DNAH6: variants seen among roughly 807,000 people sequenced by gnomAD.
DNAH6 encodes the protein axonemal beta dynein heavy chain 6.
In DNAH6, 340 loss-of-function variants were observed where a neutral mutation model predicts 491.4. That is an observed-to-expected ratio of 0.69 (90% CI 0.63 to 0.76). The LOEUF is 0.76. DNAH6 is among the 30% of genes least tolerant of loss of function. The pLI is 0.00. For synonymous variants in DNAH6, 1,603 were observed against 1,686.1 expected, an observed-to-expected ratio of 0.95 and a Z score of 1.21; for missense variants, 4,443 against 4,972.2, an observed-to-expected ratio of 0.89 and a Z score of 3.20.
chr2:84,703,232 T>C (rs1459448080), intron 49 of DNAH6, among the ~76,000 whole-genome samples, 163 bp from the exon 50 acceptor site: 1 of 152,266 alleles, frequency 6.6e-6, no homozygotes, highest in Non-Finnish European at 1.5e-5. Context: ...TTCCATTATC[T>C]GAACATTTCC....
intron 35 of DNAH6, 50 bp downstream of exon 35, chr2:84,654,832 T>A (rs1288149531): frequency 9.1e-6 from 14 of 1,542,838 alleles, no homozygotes; most frequent in African/African-American, 1.4e-5. Flanking sequence ...AGGACTCATG[T>A]TGCCTTCTAG....
At chr2:84,548,205 G>A (rs2104543138) in intron 7 of DNAH6, 83 bp from the exon 8 acceptor site, 1 of 1,406,950 alleles carries the variant, frequency 7.1e-7, no homozygotes, top group Non-Finnish European at 9.5e-7. Flanking sequence ...TTTGAATTTT[G>A]TTTATCTTTT....
At chr2:84,605,990 A>T (rs1469328525) in intron 20 of DNAH6, among the ~76,000 whole-genome samples, 1 of 152,238 alleles carries the variant, frequency 6.6e-6, no homozygotes, top group Non-Finnish European at 1.5e-5. Flanking sequence ...CAAGGCAAAG[A>T]AACCTGAATG....
chr2:84,610,445 C>T (rs1237442023), intron 21 of DNAH6, among the ~76,000 whole-genome samples: 3 of 152,104 alleles, frequency 2.0e-5, no homozygotes, highest in African/African-American at 7.2e-5. Flanking sequence ...TTGGGGGCCA[C>T]CTTATGAGTC....
intron 72 of DNAH6, among the ~76,000 whole-genome samples, chr2:84,811,207 T>G (rs1386957572): frequency 1.3e-5 from 2 of 152,248 alleles, no homozygotes; most frequent in Non-Finnish European, 2.9e-5. Flanking sequence ...CACGTAGCCT[T>G]GTTTCATCCA....
chr2:84,814,053 G>T lies in DNAH6; in HGVS notation c.12081G>T (p.Arg4027=). 6.4e-7 allele frequency: 1 copy of T among 1,551,698 alleles called. No homozygotes were observed. The highest frequency in any genetic ancestry group is 8.7e-7 in the Non-Finnish European group (1 of 1,146,994). Residue 4027 remains arginine (R), a synonymous_variant, in exon 75 of 77, where the codon CGG becomes CGT. Coordinates refer to ENST00000389394, the MANE Select transcript of DNAH6 (RefSeq NM_001370.2). The part of the protein sequence containing the change: ...SFKYSVIPTY[R]DQAAVIEAAK... ...AATACAGCGTAATTCCCACCTATCG[G>T]GATCAAGCTGCAGTGATAGAAGCTG...
chr2:84,550,115 A>T, intron 9 of DNAH6, 58 bp downstream of exon 9: 1 of 1,336,568 alleles, frequency 7.5e-7, no homozygotes, highest in South Asian at 1.3e-5. Context: ...AGGAGTGCAA[A>T]CTACGCTCTA....
intron 70 of DNAH6, among the ~76,000 whole-genome samples, chr2:84,805,168 ATT>A (rs769208938): frequency 3.9e-5 from 6 of 152,244 alleles, no homozygotes; most frequent in Non-Finnish European, 5.9e-5. Context: ...CAACAAAAAA[ATT>A]TTTAGTATAA....
intron 31 of DNAH6, among the ~76,000 whole-genome samples, chr2:84,638,307 G>A (rs1689060897): frequency 6.6e-6 from 1 of 151,946 alleles, no homozygotes; most frequent in Non-Finnish European, 1.5e-5. Flanking sequence ...ACTATATCCA[G>A]CTAAATTTTA....
At chr2:84,625,597 A>T (rs1461310947) in intron 29 of DNAH6, among the ~76,000 whole-genome samples, 1 of 149,072 alleles carries the variant, frequency 6.7e-6, no homozygotes, top group Non-Finnish European at 1.5e-5. Context: ...AGAAAAAATT[A>T]AGTAAAATAT....
chr2:84,619,121 TGG>T lies in DNAH6; in HGVS notation c.3573-563_3573-562del, dbSNP rs1181395309. On this transcript the variant is annotated intron_variant, in intron 23 of 76. Coordinates refer to ENST00000389394, the MANE Select transcript of DNAH6 (RefSeq NM_001370.2). ...ATTTCTACATAGGTATAGCCTCACA[TGG>T]TTGGAAATGGTGTGCTGGCAAAATT... 3.3e-5 allele frequency among the ~76,000 whole-genome samples: 5 copies of T among 152,316 alleles called. No homozygotes were observed. The East Asian group carries it at 9.6e-4, about 29-fold the overall frequency.
intron 3 of DNAH6, among the ~76,000 whole-genome samples, chr2:84,526,145 G>A (rs1676583607): frequency 6.6e-6 from 1 of 152,030 alleles, no homozygotes; most frequent in South Asian, 2.1e-4. Flanking sequence ...CGAGGAAGTT[G>A]CCTTGAAAGG....
At chr2:84,535,729 A>G (rs948048801) in intron 4 of DNAH6, among the ~76,000 whole-genome samples, 3 of 151,788 alleles carry the variant, frequency 2.0e-5, no homozygotes, top group Non-Finnish European at 2.9e-5. Context: ...CCAACATATT[A>G]GATGATATAG....
At chr2:84,627,973 C>A (rs1377657813) in intron 29 of DNAH6, among the ~76,000 whole-genome samples, 1 of 152,166 alleles carries the variant, frequency 6.6e-6, no homozygotes, top group Non-Finnish European at 1.5e-5. Context: ...GAGCATGACT[C>A]AGGCTGAGTA....
intron 63 of DNAH6, among the ~76,000 whole-genome samples, chr2:84,756,840 G>C (rs1674074863): frequency 6.6e-6 from 1 of 152,200 alleles, no homozygotes; most frequent in Non-Finnish European, 1.5e-5. Context: ...AAAATGCTCT[G>C]AGGGCTTCAG....
chr2:84,786,957 T>C (rs1460425183), intron 67 of DNAH6, among the ~76,000 whole-genome samples: 1 of 152,186 alleles, frequency 6.6e-6, no homozygotes, highest in Non-Finnish European at 1.5e-5. Flanking sequence ...AATTTTCTTT[T>C]GGAAATATGG....
intron 2 of DNAH6, among the ~76,000 whole-genome samples, chr2:84,524,377 T>G (rs1020545157): frequency 2.6e-5 from 4 of 151,936 alleles, no homozygotes; most frequent in Non-Finnish European, 5.9e-5. Flanking sequence ...AGACAGCATA[T>G]CATTGGGTCT....
intron 4 of DNAH6, among the ~76,000 whole-genome samples, chr2:84,536,865 A>C (rs752173848): frequency 1.4e-4 from 21 of 151,990 alleles, no homozygotes; most frequent in Non-Finnish European, 1.5e-4. Context: ...GCTAGACATA[A>C]TTGGAAGTTT....
Position 84,584,169 on chromosome 2 carries a change from C to A in DNAH6, c.2400C>A (p.Ser800Arg). The change falls in exon 15 of 77, where the codon AGC becomes AGA. Residue 800 changes from serine to arginine, a missense_variant. Coordinates refer to ENST00000389394, the MANE Select transcript of DNAH6 (RefSeq NM_001370.2). ...AATCAGTGGGTGATAGAGAATCAAG[C>A]ATTAAGCAATTTTGTGTGCATTTGG... ...IDKSVGDRESSIKQFCVHLGS... is the reference protein window; with the variant it reads ...IDKSVGDRESRIKQFCVHLGS... 1 of 1,614,126 alleles carries A rather than the reference C, an allele frequency of 6.2e-7. No individual in the cohort carries two copies. The highest frequency in any genetic ancestry group is 1.3e-5 in the African/African-American group (1 of 75,040).
Sources: allele counts gnomAD v4.1 joint callset (sites outside exome capture counted in the v4.1 genomes callset), GRCh38; gene constraint gnomAD v4.1.1; transcripts MANE v1.5; gene names NCBI Gene and HGNC (gene_info 2026-07-23, HGNC 2026-07-21).